RHOBTB1: variants seen among roughly 807,000 people sequenced by gnomAD.
RHOBTB1 encodes the protein Rho related BTB domain containing 1, also known as rho-related BTB domain-containing protein 1.
A neutral mutation model predicts 71.6 loss-of-function variants in RHOBTB1; 40 were observed. That is an observed-to-expected ratio of 0.56 (90% confidence interval 0.43 to 0.73). RHOBTB1 has a LOEUF of 0.73. RHOBTB1 is among the 30% of genes least tolerant of loss of function. The pLI is 0.00. For synonymous variants in RHOBTB1, 319 were observed against 334.9 expected (o/e 0.95, Z 0.52); for missense variants, 797 against 894.0 (o/e 0.89, Z 1.38).
At chr10:60,952,459 A>G (rs901807272) in intron 2 of RHOBTB1, among the ~76,000 whole-genome samples, 2 of 152,104 alleles carry the variant, frequency 1.3e-5, no homozygotes, top group African/African-American at 4.8e-5. Flanking sequence ...ACTTTCATTA[A>G]CTCCTCACAA....
intron 2 of RHOBTB1, among the ~76,000 whole-genome samples, chr10:60,952,854 T>C (rs1356461055): frequency 6.6e-6 from 1 of 152,120 alleles, no homozygotes; most frequent in Non-Finnish European, 1.5e-5. Context: ...ACTTCAGGAT[T>C]CTCGGGGTCC....
At chr10:60,904,822 G>A (rs1347854658) in intron 4 of RHOBTB1, among the ~76,000 whole-genome samples, 1 of 152,100 alleles carries the variant, frequency 6.6e-6, no homozygotes. Context: ...TCAAATTGCT[G>A]CTTTTCTTTC....
chr10:61,001,626 C>G (rs1565231092), upstream of RHOBTB1, among the ~76,000 whole-genome samples: 1 of 151,994 alleles, frequency 6.6e-6, no homozygotes. Context: ...GACCACGGGT[C>G]CCTCCACATC....
chr10:61,001,828 C>G (rs998241429), upstream of RHOBTB1, among the ~76,000 whole-genome samples: 1 of 152,220 alleles, frequency 6.6e-6, no homozygotes, highest in Non-Finnish European at 1.5e-5. Context: ...GCTCAGGGCC[C>G]GAGGGGCCGC....
In RHOBTB1 at chr10:60,910,824, G is replaced by A. The variant is rs540717720; in HGVS notation, c.296+63C>T. 22 of 1,214,120 alleles carry A rather than the reference G, an allele frequency of 1.8e-5. No homozygotes were observed. The African/African-American group carries it at 2.8e-4, about 16-fold the overall frequency. 75.2% of individuals were successfully genotyped at this position (1,214,120 alleles called of 1,614,324 possible). On this transcript the variant is annotated intron_variant, in intron 4 of 10. Coordinates refer to ENST00000337910, the MANE Select transcript of RHOBTB1 (RefSeq NM_014836.5). ...GTGGTTTTTGTTGATTTGTAAACCCGCTGCTGGTTTTGAAAAGGAAATTGC... is the reference window on the plus strand; with the variant it reads ...GTGGTTTTTGTTGATTTGTAAACCCACTGCTGGTTTTGAAAAGGAAATTGC...
chr10:60,965,715 A>C (rs181607132), intron 2 of RHOBTB1, among the ~76,000 whole-genome samples: 43 of 152,246 alleles, frequency 2.8e-4, no homozygotes, highest in African/African-American at 1.0e-3. Context: ...CCATTACCTT[A>C]ATTCTCATGG....
At chr10:60,948,005 T>C (rs1213550393), upstream of RHOBTB1, among the ~76,000 whole-genome samples, 1 of 152,236 alleles carries the variant, frequency 6.6e-6, no homozygotes, top group South Asian at 2.1e-4. Flanking sequence ...GTTTCACTTG[T>C]TATAATAGTT....
chr10:60,879,110 A>G (rs962884683), intron 7 of RHOBTB1, among the ~76,000 whole-genome samples: 1 of 152,192 alleles, frequency 6.6e-6, no homozygotes, highest in African/African-American at 2.4e-5. Flanking sequence ...AGGTTCAAGG[A>G]GGTTAATTTA....
Position 60,886,105 on chromosome 10 carries a change from C to T in RHOBTB1, c.1575+7G>A, listed in dbSNP as rs1308438395. ...AGACACCACTATGCTTTTAGGAAGG[C>T]ACGTACCTCACTGTTGGCACTTTCC... On this transcript the variant is annotated splice_region_variant and intron_variant, in intron 7 of 10. Transcript: ENST00000337910. 4 of 1,596,146 alleles carry T rather than the reference C, an allele frequency of 2.5e-6. No homozygotes were observed. Among genetic ancestry groups the T allele is most frequent in the Non-Finnish European group, 3.4e-6 (4 of 1,163,786 alleles).
At chr10:60,907,598 C>T (rs1042932184) in intron 4 of RHOBTB1, among the ~76,000 whole-genome samples, 1 of 152,256 alleles carries the variant, frequency 6.6e-6, no homozygotes, top group African/African-American at 2.4e-5. Context: ...TTACAACACT[C>T]ATGCTACTCT....
At chr10:60,999,480 A>G (rs989649675) in intron 1 of RHOBTB1, among the ~76,000 whole-genome samples, 1 of 152,252 alleles carries the variant, frequency 6.6e-6, no homozygotes, top group Non-Finnish European at 1.5e-5. Flanking sequence ...TATTCAAACC[A>G]TGCTAAGAGA....
intron 1 of RHOBTB1, among the ~76,000 whole-genome samples, chr10:60,998,955 G>A (rs888283023): frequency 3.9e-5 from 6 of 152,186 alleles, no homozygotes; most frequent in Non-Finnish European, 7.3e-5. Flanking sequence ...AAGCTTCTTT[G>A]AGCCTCAGTT....
intron 2 of RHOBTB1, among the ~76,000 whole-genome samples, chr10:60,960,862 T>A (rs1005648595): frequency 3.2e-4 from 49 of 152,294 alleles, no homozygotes; most frequent in African/African-American, 9.9e-4. Context: ...TCAGGAAGAT[T>A]TTTTTGTCAC....
intron 2 of RHOBTB1, among the ~76,000 whole-genome samples, chr10:60,937,092 T>A (rs1300318776): frequency 6.6e-6 from 1 of 152,166 alleles, no homozygotes; most frequent in Non-Finnish European, 1.5e-5. Context: ...TTAAAAAAAA[T>A]ATCAAAGCAG....
the RHOBTB1 span, among the ~76,000 whole-genome samples, chr10:60,862,612 TTTCC>T: frequency 2.5e-4 from 38 of 150,630 alleles, no homozygotes; most frequent in Middle Eastern, 3.4e-3. Context: ...TCTCCTTCCC[TTTCC>T]TTCCTTCCTT....
intron 7 of RHOBTB1, among the ~76,000 whole-genome samples, chr10:60,884,859 A>G (rs769671725): frequency 4.6e-5 from 7 of 152,190 alleles, no homozygotes; most frequent in African/African-American, 9.7e-5. Context: ...AAGGAAAGCC[A>G]TCTGTCAAAT....
chr10:60,896,242 TA>T (rs1286342263), intron 4 of RHOBTB1, among the ~76,000 whole-genome samples: 1 of 152,226 alleles, frequency 6.6e-6, no homozygotes, highest in Non-Finnish European at 1.5e-5. Flanking sequence ...CTCTGAAAGA[TA>T]AAAAGAAACA....
At chr10:60,963,748 C>T (rs2085863845) in intron 2 of RHOBTB1, among the ~76,000 whole-genome samples, 1 of 152,152 alleles carries the variant, frequency 6.6e-6, no homozygotes, top group Non-Finnish European at 1.5e-5. Context: ...TGTCATCCTT[C>T]CTTATACCTG....
chr10:60,946,351 C>T (rs563835288), upstream of RHOBTB1, among the ~76,000 whole-genome samples: 10 of 152,284 alleles, frequency 6.6e-5, no homozygotes, highest in South Asian at 2.1e-3. Context: ...TCTCATCAAA[C>T]TGCCCTGGCA....
Sources: allele counts gnomAD v4.1 joint callset (sites outside exome capture counted in the v4.1 genomes callset), GRCh38; gene constraint gnomAD v4.1.1; transcripts MANE v1.5; gene names NCBI Gene and HGNC (gene_info 2026-07-23, HGNC 2026-07-21).